OPHN1: variants seen among roughly 807,000 people sequenced by gnomAD.
The protein encoded by OPHN1 is oligophrenin-1.
In OPHN1, 11 loss-of-function variants were observed where a neutral mutation model predicts 60.7. The observed-to-expected ratio is 0.18, with a 90% CI of 0.11 to 0.30. The LOEUF (loss-of-function observed/expected upper bound fraction) is 0.30. Ranked by LOEUF, OPHN1 falls within the 10% of genes least tolerant of loss-of-function variation. OPHN1 has a pLI of 1.00. For synonymous variants in OPHN1, 226 were observed against 222.6 expected (o/e 1.02, Z -0.14); for missense variants, 449 against 611.0 (o/e 0.73, Z 2.80).
intron 15 of OPHN1, among the ~76,000 whole-genome samples, chrX:68,136,291 CTTTT>C (rs779712280): frequency 1.6e-4 from 10 of 64,078 alleles, no homozygotes; most frequent in African/African-American, 2.1e-4. Context: ...AATATCTTTT[CTTTT>C]TTTTTTTTTT....
intron 19 of OPHN1, among the ~76,000 whole-genome samples, chrX:68,091,227 C>T (rs989133965): frequency 2.7e-5 from 3 of 111,227 alleles, no homozygotes; most frequent in African/African-American, 6.5e-5. Context: ...AAGGACTAAA[C>T]GAGCTGGAAA....
chrX:68,339,131 A>G (rs920636820), intron 2 of OPHN1, among the ~76,000 whole-genome samples: 1 of 105,734 alleles, frequency 9.5e-6, no homozygotes, highest in African/African-American at 3.4e-5. Flanking sequence ...AATTAATGTA[A>G]TATACCACAT....
chrX:68,201,127 T>G (rs2147467116), intron 11 of OPHN1, among the ~76,000 whole-genome samples: 1 of 111,349 alleles, frequency 9.0e-6, no homozygotes, highest in South Asian at 3.8e-4. Context: ...GTTCATTGAG[T>G]ATCTGTAAAG....
rs761607454 is a variant in OPHN1, at chrX:68,370,011, A to AATATATATATATATATATATATATAT, written c.154+62830_154+62855dup. ...ACAGTGGGATGGCATAAATTGCTGA[A>AATATATATATATATATATATATATAT]ATATATATATATATATATATATATA... On this transcript the variant is annotated intron_variant, in intron 2 of 24. Coordinates refer to ENST00000355520, the MANE Select transcript of OPHN1 (RefSeq NM_002547.3). Among the ~76,000 whole-genome samples the AATATATATATATATATATATATATAT allele has an allele frequency of 1.5e-3, 98 of 64,324 alleles. 2 individuals carry two copies. The highest frequency in any genetic ancestry group is 5.6e-3 in the African/African-American group (72 of 12,818). 55.9% of individuals were successfully genotyped at this position (64,324 alleles called of 115,157 possible). A position where few individuals can be genotyped will look rare whatever the true frequency, so the allele number is the denominator to read the frequency against.
rs906339109 is a variant in OPHN1 at position 68,324,223 on chromosome X, C to T, written c.155-25127G>A. Among the ~76,000 whole-genome samples, 8 of 111,386 alleles carry T rather than the reference C, an allele frequency of 7.2e-5. No homozygotes were observed. The East Asian group carries it at 2.2e-3, about 31-fold the overall frequency. On this transcript the variant is annotated intron_variant, in intron 2 of 24. Transcript: ENST00000355520. ...AAGAAAATACAAACAAACCTACAGG[C>T]AAACCATTAGAAATAATGACAGTTC... is the stretch of plus-strand genomic sequence containing the variant.
intron 15 of OPHN1, among the ~76,000 whole-genome samples, chrX:68,185,575 A>G (rs182692983): frequency 9.0e-6 from 1 of 111,331 alleles, no homozygotes; most frequent in African/African-American, 3.3e-5. Flanking sequence ...GAAGGGTTCC[A>G]ATGTATGCTC....
chrX:68,396,420 A>C (rs902776660), intron 2 of OPHN1, among the ~76,000 whole-genome samples: 4 of 104,173 alleles, frequency 3.8e-5, no homozygotes, highest in African/African-American at 1.5e-4. Flanking sequence ...AAAAAAAAAA[A>C]AAAACAAGGT....
intron 19 of OPHN1, among the ~76,000 whole-genome samples, chrX:68,081,761 T>C (rs2076975348): frequency 9.0e-6 from 1 of 111,584 alleles, no homozygotes; most frequent in South Asian, 3.8e-4. Context: ...ATCAGGATGG[T>C]GCTTACTGAA....
chrX:68,302,834 G>A (rs1348248188), intron 2 of OPHN1, among the ~76,000 whole-genome samples: 4 of 110,732 alleles, frequency 3.6e-5, no homozygotes, highest in African/African-American at 1.3e-4. Context: ...TGAGGCGAGA[G>A]GACTGATTGA....
chrX:68,308,257 G>A (rs756577597), intron 2 of OPHN1, among the ~76,000 whole-genome samples: 14 of 111,976 alleles, frequency 1.3e-4, no homozygotes, highest in Admixed American at 1.0e-3. Flanking sequence ...GGCTTGTGGG[G>A]GGATTAAAAT....
chrX:68,119,882 A>G (rs2077143441), intron 15 of OPHN1, among the ~76,000 whole-genome samples: 1 of 111,684 alleles, frequency 9.0e-6, no homozygotes, highest in African/African-American at 3.3e-5. Context: ...TGCTTCCAGC[A>G]GGGGGGAAAG....
intron 5 of OPHN1, among the ~76,000 whole-genome samples, chrX:68,264,126 C>A (rs967272015): frequency 2.6e-4 from 29 of 111,394 alleles, no homozygotes; most frequent in East Asian, 5.7e-4. Context: ...TAAAGACTTA[C>A]ATGTTAGACC....
At chrX:68,209,063 T>C (rs1448907966) in intron 9 of OPHN1, among the ~76,000 whole-genome samples, 2 of 112,327 alleles carry the variant, frequency 1.8e-5, no homozygotes, top group Non-Finnish European at 3.7e-5. Context: ...CTTTTTGAAT[T>C]ACAGTGATTT....
At chrX:68,352,272 A>G (rs1433793415) in intron 2 of OPHN1, among the ~76,000 whole-genome samples, 1 of 109,049 alleles carries the variant, frequency 9.2e-6, no homozygotes, top group African/African-American at 3.3e-5. Flanking sequence ...TATTATTCCT[A>G]TAAAATTTTC....
At chrX:68,426,698 C>CAAAAAAAAAA (rs2078859644) in intron 2 of OPHN1, among the ~76,000 whole-genome samples, 1 of 13,064 alleles carries the variant, frequency 7.7e-5, no homozygotes, top group South Asian at 5.5e-3. Context: ...CCGCATCTCT[C>CAAAAAAAAAA]CAAAAAAAAA....
intron 15 of OPHN1, among the ~76,000 whole-genome samples, chrX:68,170,739 A>G (rs761961766): frequency 5.4e-5 from 5 of 91,842 alleles, no homozygotes; most frequent in African/African-American, 2.1e-4. Flanking sequence ...CAATGAGAAC[A>G]CATGGACACA....
chrX:68,398,808 G>A (rs1009239223), intron 2 of OPHN1, among the ~76,000 whole-genome samples: 1 of 110,405 alleles, frequency 9.1e-6, no homozygotes, highest in East Asian at 2.9e-4. Flanking sequence ...AATTAGCCAG[G>A]CGTAGTGGTG....
intron 2 of OPHN1, among the ~76,000 whole-genome samples, chrX:68,399,623 G>A (rs981969465): frequency 1.8e-5 from 2 of 110,924 alleles, no homozygotes; most frequent in African/African-American, 3.3e-5. Context: ...AGCCGAGATC[G>A]TGCCACTGCA....
At chrX:68,093,332 T>C (rs1489865935) in intron 19 of OPHN1, among the ~76,000 whole-genome samples, 1 of 111,989 alleles carries the variant, frequency 8.9e-6, no homozygotes, top group African/African-American at 3.2e-5. Context: ...GAGGTGTAAA[T>C]GTGCTAATAT....
Sources: gnomAD v4.1 joint callset for allele counts (sites outside exome capture counted in the v4.1 genomes callset) on GRCh38, gnomAD v4.1.1 for gene constraint, MANE v1.5 for transcripts, NCBI Gene and HGNC (gene_info 2026-07-23, HGNC 2026-07-21) for gene names.